DNAH14: variants seen among roughly 807,000 people sequenced by gnomAD.
The protein encoded by DNAH14 is axonemal beta dynein heavy chain 14.
In DNAH14, 478 loss-of-function variants were observed where a neutral mutation model predicts 520.9. The ratio of observed to expected loss-of-function variants is 0.92; its 90% CI spans 0.85 to 0.99. The LOEUF is 0.99. Among genes scored for constraint, DNAH14 ranks in the 50% least tolerant of loss-of-function variants. DNAH14 has a pLI of 0.00. For synonymous variants in DNAH14, 1,581 were observed against 1,757.2 expected, an observed-to-expected ratio of 0.90 and a Z score of 2.51; for missense variants, 4,831 against 5,234.5, an observed-to-expected ratio of 0.92 and a Z score of 2.38.
chr1:225,047,858 ATAGT>A (rs1479647276), intron 15 of DNAH14, among the ~76,000 whole-genome samples: 1 of 152,156 alleles, frequency 6.6e-6, no homozygotes, highest in African/African-American at 2.4e-5. Flanking sequence ...GTAGTTTGTA[ATAGT>A]TAGATTAATT....
intron 41 of DNAH14, among the ~76,000 whole-genome samples, chr1:225,210,428 C>T (rs79515575): frequency 0.049 from 7,452 of 152,200 alleles, 286 homozygotes; most frequent in Non-Finnish European, 0.073. Context: ...AACACAGCAC[C>T]GCAAAGCCAC....
At chr1:225,270,632 A>G (rs2093287899) in intron 49 of DNAH14, 103 bp from the exon 50 acceptor site, 1 of 980,836 alleles carries the variant, frequency 1.0e-6, no homozygotes, top group South Asian at 3.1e-5. Context: ...CTTTTTGTCT[A>G]AATGTTTTTA....
Position 225,338,081 on chromosome 1 carries a change from TC to T in DNAH14, c.10334del (p.Pro3445GlnfsTer3). On this transcript the variant is annotated frameshift_variant, in exon 68 of 86. Transcript: ENST00000682510. LOFTEE classifies it high-confidence loss of function. The stretch of plus-strand genomic sequence containing the variant: ...TTCAGAATCTCCTTGAGACATTAGC[TC>T]CAGGCTTAAAGGCAATTCTGAAAAA... ...LLQNLLETLA[P>X]GLKAILKKDI... 6.5e-7 allele frequency: 1 copy of T among 1,549,770 alleles called. No homozygotes were observed. The highest frequency in any genetic ancestry group is 8.7e-7 in the Non-Finnish European group (1 of 1,146,456).
At chr1:225,297,539 A>G (rs35833434) in intron 55 of DNAH14, among the ~76,000 whole-genome samples, 20,185 of 152,166 alleles carry the variant, frequency 0.13, 1,534 homozygotes, top group East Asian at 0.33. Flanking sequence ...ATTCATAGGT[A>G]TGGGTTTTAC....
intron 53 of DNAH14, among the ~76,000 whole-genome samples, chr1:225,276,568 C>G (rs2093473098): frequency 6.6e-6 from 1 of 152,094 alleles, no homozygotes; most frequent in South Asian, 2.1e-4. Flanking sequence ...TCTCTTTCTC[C>G]TACCACTTAT....
chr1:225,064,862 T>C (rs955698305), intron 17 of DNAH14, among the ~76,000 whole-genome samples: 1 of 151,960 alleles, frequency 6.6e-6, no homozygotes, highest in Non-Finnish European at 1.5e-5. Flanking sequence ...TGTATGAGTG[T>C]GTTAAAACTC....
intron 11 of DNAH14, among the ~76,000 whole-genome samples, chr1:225,029,347 T>C (rs2066366351): frequency 6.6e-6 from 1 of 151,996 alleles, no homozygotes; most frequent in South Asian, 2.1e-4. Context: ...GTCATTGTGA[T>C]TGTAGTGGTT....
At chr1:225,265,417 G>C in intron 48 of DNAH14, 48 bp downstream of exon 48, 5 of 1,427,734 alleles carry the variant, frequency 3.5e-6, no homozygotes, top group Non-Finnish European at 3.7e-6. Context: ...GGCTAGTCAA[G>C]TGATAGTTTA....
chr1:225,320,604 A>T (rs1393614404), intron 61 of DNAH14, among the ~76,000 whole-genome samples: 1 of 152,344 alleles, frequency 6.6e-6, no homozygotes, highest in South Asian at 2.1e-4. Flanking sequence ...TAGCAGATGC[A>T]CAGCTTAGTC....
At chr1:225,049,047 ATTTTTTTTTTTT>A (rs71170051) in intron 15 of DNAH14, among the ~76,000 whole-genome samples, 617 of 56,328 alleles carry the variant, frequency 0.011, 3 homozygotes, top group African/African-American at 0.047. Context: ...TCTCTTGCCT[ATTTTTTTTTTTT>A]TTTTTTTTTT....
In DNAH14 at chr1:225,033,583, A is replaced by G. The variant is rs571529342; in HGVS notation, c.1359-5111A>G. On this transcript the variant is annotated intron_variant, in intron 11 of 85. Transcript: ENST00000682510. ...TGGGCTCTTTTTTGGATCCACATAA[A>G]TTTTAAAATAATTTTTTCTAGTTCT... Among the ~76,000 whole-genome samples the G allele has an allele frequency of 3.9e-5, 6 of 152,268 alleles. No homozygotes were observed. In the East Asian group the frequency reaches 9.6e-4, roughly 24 times the overall value.
chr1:225,270,990 G>A (rs554675808), intron 50 of DNAH14, 124 bp downstream of exon 50: 28 of 1,044,520 alleles, frequency 2.7e-5, no homozygotes, highest in South Asian at 1.1e-4. Flanking sequence ...TTATTTCCCC[G>A]TATGTTTTCT....
intron 54 of DNAH14, among the ~76,000 whole-genome samples, chr1:225,283,838 T>G (rs888413785): frequency 6.6e-6 from 1 of 152,152 alleles, no homozygotes; most frequent in African/African-American, 2.4e-5. Flanking sequence ...AGTATGTTCT[T>G]TGACCACAGT....
intron 11 of DNAH14, among the ~76,000 whole-genome samples, chr1:225,033,876 T>C (rs887122596): frequency 2.0e-5 from 3 of 152,188 alleles, no homozygotes; most frequent in African/African-American, 4.8e-5. Flanking sequence ...GGCTTGATTG[T>C]TGTTAGTATA....
intron 23 of DNAH14, among the ~76,000 whole-genome samples, chr1:225,117,079 A>G (rs1317869205): frequency 6.6e-6 from 1 of 152,142 alleles, no homozygotes; most frequent in Non-Finnish European, 1.5e-5. Context: ...ACAAAAGAGT[A>G]ATAAATAAAT....
rs1166866778 is a variant in DNAH14, at chr1:225,388,352, G to T, written c.13078-27G>T. 8 of 1,392,634 alleles carry T rather than the reference G, an allele frequency of 5.7e-6. No homozygotes were observed. In the East Asian group the frequency reaches 2.0e-4, roughly 35 times the overall value. The allele number at this position is 1,392,634 out of a possible 1,614,324, so 86.3% of individuals were successfully genotyped here. On this transcript the variant is annotated intron_variant, in intron 81 of 85. Coordinates refer to ENST00000682510, the MANE Select transcript of DNAH14 (RefSeq NM_001367479.1). ...GACCCCAAAGACAAAGAAAAAAAATGATGTGACTGTCTTTAAATCCCAACA... is the reference window on the plus strand; with the variant it reads ...GACCCCAAAGACAAAGAAAAAAAATTATGTGACTGTCTTTAAATCCCAACA...
Position 224,939,339 on chromosome 1 carries a change from C to T in DNAH14, c.-34+9504C>T, listed in dbSNP as rs111362208. ...TGTACTCTAATCCTTTTCCCCTATA[C>T]CCAGTCATCATTGATCTTGGCATGG... On this transcript the variant is annotated intron_variant, in intron 1 of 85. Transcript: ENST00000682510. 2.7e-3 allele frequency among the ~76,000 whole-genome samples: 418 copies of T among 152,226 alleles called. 3 individuals are homozygous for T. Among genetic ancestry groups the T allele is most frequent in the African/African-American group, 9.4e-3 (391 of 41,538 alleles).
intron 66 of DNAH14, among the ~76,000 whole-genome samples, chr1:225,335,141 A>ACATGTGTACATGTGTGCATGTGCG (rs2094902673): frequency 8.1e-6 from 1 of 123,112 alleles, no homozygotes; most frequent in Non-Finnish European, 1.7e-5. Flanking sequence ...GTGCATGTGC[A>ACATGTGTACATGTGTGCATGTGCG]CATGTGTACA....
chr1:225,215,779 CT>C (rs1275659504), intron 41 of DNAH14, among the ~76,000 whole-genome samples: 1 of 152,058 alleles, frequency 6.6e-6, no homozygotes, highest in Non-Finnish European at 1.5e-5. Context: ...TATTTTGAGC[CT>C]GTATGTGTCT....
Sources: gnomAD v4.1 joint callset for allele counts (sites outside exome capture counted in the v4.1 genomes callset) on GRCh38, gnomAD v4.1.1 for gene constraint, MANE v1.5 for transcripts, NCBI Gene and HGNC (gene_info 2026-07-23, HGNC 2026-07-21) for gene names.